Variants in PELI1 observed in about 807,000 individuals in gnomAD.
PELI1 encodes the protein E3 ubiquitin-protein ligase pellino homolog 1.
A neutral mutation model predicts 41.3 loss-of-function variants in PELI1; 15 were observed. That is an observed-to-expected ratio of 0.36 (90% confidence interval 0.24 to 0.56). The LOEUF (loss-of-function observed/expected upper bound fraction) is 0.56. Ranked by LOEUF, PELI1 falls within the 20% of genes least tolerant of loss-of-function variation. PELI1 has a pLI of 0.82. For synonymous variants in PELI1, 178 were observed against 180.1 expected (o/e 0.99, Z 0.09); for missense variants, 403 against 525.5 (o/e 0.77, Z 2.28).
intron 1 of PELI1, among the ~76,000 whole-genome samples, chr2:64,123,040 T>C (rs886386989): frequency 1.1e-4 from 16 of 152,200 alleles, no homozygotes; most frequent in African/African-American, 3.6e-4. Flanking sequence ...GTCTGTTTCA[T>C]TAATTTTGGA....
Position 64,095,287 on chromosome 2 carries a change from GA to G in PELI1, c.691-20del, listed in dbSNP as rs756447986. 2 of 1,560,030 alleles carry G rather than the reference GA, an allele frequency of 1.3e-6. No individual in the cohort carries two copies. Among genetic ancestry groups the G allele is most frequent in the Non-Finnish European group, 8.8e-7 (1 of 1,133,004 alleles). ...TTTCCACCTAGAGGAGACAAGAGTT[GA>G]AAAACATATTCACCACTCTGTTTTG... On this transcript the variant is annotated intron_variant, in intron 6 of 6. Coordinates refer to ENST00000358912, the MANE Select transcript of PELI1 (RefSeq NM_020651.4).
At chr2:64,095,750 TCTC>T (rs1680212123) in intron 6 of PELI1, among the ~76,000 whole-genome samples, 2 of 152,218 alleles carry the variant, frequency 1.3e-5, no homozygotes, top group Admixed American at 6.5e-5. Flanking sequence ...TTCAAGCTAT[TCTC>T]CTGCCTCAGC....
At chr2:64,116,009 T>C (rs1680978280) in intron 1 of PELI1, among the ~76,000 whole-genome samples, 1 of 152,156 alleles carries the variant, frequency 6.6e-6, no homozygotes, top group African/African-American at 2.4e-5. Flanking sequence ...GTGCTTATTT[T>C]AAAAATGAGG....
At chr2:64,098,759 A>G (rs1432996462) in intron 4 of PELI1, among the ~76,000 whole-genome samples, 3 of 152,212 alleles carry the variant, frequency 2.0e-5, no homozygotes, top group African/African-American at 7.2e-5. Context: ...AGGGTAGACA[A>G]TCCTAGAATG....
chr2:64,106,824 T>C (rs747055265), intron 2 of PELI1, among the ~76,000 whole-genome samples: 7 of 152,226 alleles, frequency 4.6e-5, no homozygotes, highest in Non-Finnish European at 1.0e-4. Flanking sequence ...AAACAACGCA[T>C]TCTCACTTTA....
chr2:64,098,862 A>C (rs1264701908), intron 4 of PELI1, among the ~76,000 whole-genome samples: 1 of 152,228 alleles, frequency 6.6e-6, no homozygotes, highest in Non-Finnish European at 1.5e-5. Context: ...TGGATTTTCC[A>C]AAGGTATAAT....
At chr2:64,100,292 A>G in intron 4 of PELI1, 106 bp downstream of exon 4, 1 of 649,180 alleles carries the variant, frequency 1.5e-6, no homozygotes, top group South Asian at 1.9e-5. Context: ...TTTTAATAAA[A>G]TACAATATAA....
intron 1 of PELI1, among the ~76,000 whole-genome samples, chr2:64,117,898 C>A (rs1681054744): frequency 6.6e-6 from 1 of 152,050 alleles, no homozygotes; most frequent in Non-Finnish European, 1.5e-5. Flanking sequence ...CAACCTCTGC[C>A]TCCCAGGTTC....
chr2:64,103,767 T>C (rs1371135921), intron 3 of PELI1, among the ~76,000 whole-genome samples: 4 of 152,224 alleles, frequency 2.6e-5, no homozygotes, highest in Non-Finnish European at 5.9e-5. Flanking sequence ...TTTCTGTCTC[T>C]TGTTTATTTA....
chr2:64,131,799 T>G (rs529763545), intron 1 of PELI1, among the ~76,000 whole-genome samples: 1 of 152,186 alleles, frequency 6.6e-6, no homozygotes, highest in East Asian at 1.9e-4. Flanking sequence ...GTTTGTATTT[T>G]TAGTAGAGAT....
chr2:64,113,737 T>C (rs1003951174), intron 1 of PELI1, among the ~76,000 whole-genome samples: 3 of 152,190 alleles, frequency 2.0e-5, no homozygotes, highest in African/African-American at 7.2e-5. Flanking sequence ...TATTATTAAT[T>C]TGACTGTTAA....
rs141298509 is a variant in PELI1 at position 64,126,766 on chromosome 2, C to T, written c.-70+17315G>A. Among the ~76,000 whole-genome samples, 3 of 150,948 alleles carry T rather than the reference C, an allele frequency of 2.0e-5. No individual in the cohort carries two copies. The East Asian group carries it at 5.8e-4, about 29-fold the overall frequency. On this transcript the variant is annotated intron_variant, in intron 1 of 6. Transcript: ENST00000358912. ...GAGGAAGCTTCATAGCAGAGGTATTCAATTTGGACCTTGAGAGACAGACCG... is the reference window on the plus strand; with the variant it reads ...GAGGAAGCTTCATAGCAGAGGTATTTAATTTGGACCTTGAGAGACAGACCG...
chr2:64,097,061 C>T (rs1335553449), intron 4 of PELI1, among the ~76,000 whole-genome samples: 1 of 152,182 alleles, frequency 6.6e-6, no homozygotes, highest in Non-Finnish European at 1.5e-5. Context: ...ATACCACTTA[C>T]GTTAAGCTGA....
chr2:64,106,486 GAA>G (rs1680625788), intron 2 of PELI1, among the ~76,000 whole-genome samples: 1 of 152,122 alleles, frequency 6.6e-6, no homozygotes, highest in Non-Finnish European at 1.5e-5. Context: ...ATTTAATCTG[GAA>G]AAGTTTTTGG....
At chr2:64,104,944 T>G (rs1297134172) in intron 2 of PELI1, 114 bp from the exon 3 acceptor site, 5 of 787,168 alleles carry the variant, frequency 6.4e-6, no homozygotes, top group Admixed American at 6.1e-5. Flanking sequence ...ATTAACACAT[T>G]ATAATTATTT....
In PELI1 at chr2:64,095,416, AATGTT is replaced by A. The variant is rs1400043576; in HGVS notation, c.691-153_691-149del. ...CAAGAAACTGACAGTAGTTATGAAA[AATGTT>A]AAGTTTGAAAATCAAGGATAAAATA... On this transcript the variant is annotated intron_variant, in intron 6 of 6. Coordinates refer to ENST00000358912, the MANE Select transcript of PELI1 (RefSeq NM_020651.4). The A allele has an allele frequency of 1.1e-5, 7 of 609,528 alleles. No homozygotes were observed. In the Admixed American group the frequency reaches 1.5e-4, roughly 13 times the overall value. 37.8% of individuals were successfully genotyped at this position (609,528 alleles called of 1,614,324 possible).
intron 1 of PELI1, among the ~76,000 whole-genome samples, chr2:64,109,865 T>C (rs774566523): frequency 2.0e-5 from 3 of 152,150 alleles, no homozygotes; most frequent in Non-Finnish European, 4.4e-5. Flanking sequence ...CAGAGCCTTA[T>C]AGACCCGTGC....
rs1023982006 is a variant in PELI1 at position 64,095,020 on chromosome 2, A to G, written c.939T>C (p.His313=). 17 of 1,614,072 alleles carry G rather than the reference A, an allele frequency of 1.1e-5. No homozygotes were observed. Among genetic ancestry groups the G allele is most frequent in the Middle Eastern group, 1.6e-4 (1 of 6,084 alleles). The change falls in exon 7 of 7, where the codon CAT becomes CAC. Residue 313 remains histidine, a synonymous_variant. Coordinates refer to ENST00000358912, the MANE Select transcript of PELI1 (RefSeq NM_020651.4). ...TTCCCCAGTTATGATAGCCATGTAC[A>G]TGGCCGCAGTTTAGATATACCCATG... ...KQPWVYLNCG[H]VHGYHNWGNK...
chr2:64,128,086 C>T (rs1681447080), intron 1 of PELI1, among the ~76,000 whole-genome samples: 1 of 152,056 alleles, frequency 6.6e-6, no homozygotes, highest in South Asian at 2.1e-4. Context: ...ACACCCAAAA[C>T]TGAGAACCTA....
Sources: allele counts gnomAD v4.1 joint callset (sites outside exome capture counted in the v4.1 genomes callset), GRCh38; gene constraint gnomAD v4.1.1; transcripts MANE v1.5; gene names NCBI Gene and HGNC (gene_info 2026-07-23, HGNC 2026-07-21).